FCHSD2: variants seen among roughly 807,000 people sequenced by gnomAD.
The protein encoded by FCHSD2 is FCH and double SH3 domains 2.
In FCHSD2, 38 loss-of-function variants were observed where a neutral mutation model predicts 108.1. The observed-to-expected ratio is 0.35, with a 90% CI of 0.27 to 0.46. The LOEUF (loss-of-function observed/expected upper bound fraction) is 0.46, where lower values mean the gene tolerates loss of function less well. Ranked by LOEUF, FCHSD2 falls within the 20% of genes least tolerant of loss-of-function variation. The pLI is 1.00. For missense variants in FCHSD2, 751 were observed against 897.8 expected (o/e 0.84, Z 2.09); for synonymous variants, 279 against 314.7 (o/e 0.89, Z 1.20).
chr11:72,843,120 C>A, intron 16 of FCHSD2, 31 bp downstream of exon 16: 2 of 1,609,280 alleles, frequency 1.2e-6, no homozygotes, highest in South Asian at 2.2e-5. Context: ...CAAACGTGAC[C>A]AAATAAAGAG....
At chr11:73,108,621 T>G (rs1270054716) in intron 2 of FCHSD2, among the ~76,000 whole-genome samples, 1 of 152,216 alleles carries the variant, frequency 6.6e-6, no homozygotes, top group Non-Finnish European at 1.5e-5. Context: ...GACTGCGGAC[T>G]GCAGTGGCGC....
rs1856506963 is a variant in FCHSD2 at position 72,945,784 on chromosome 11, T to C, written c.706-23834A>G. ...AGAAGACATTTATGCAGCCAAACGA[T>C]ACATGAAAAAATGCTCATCATCAAT... is the stretch of plus-strand genomic sequence containing the variant. On this transcript the variant is annotated intron_variant, in intron 8 of 19. Transcript: ENST00000409418. Among the ~76,000 whole-genome samples, 4 of 152,242 alleles carry C rather than the reference T, an allele frequency of 2.6e-5. No homozygotes were observed. In the South Asian group the frequency reaches 8.3e-4, roughly 32 times the overall value.
chr11:73,064,078 A>C (rs747347756), intron 3 of FCHSD2, among the ~76,000 whole-genome samples: 2 of 151,690 alleles, frequency 1.3e-5, no homozygotes, highest in Non-Finnish European at 3.0e-5. Flanking sequence ...AATGGAAATC[A>C]TAACAGTCTC....
chr11:72,938,176 G>GTT (rs67901943), intron 8 of FCHSD2, among the ~76,000 whole-genome samples: 4 of 112,558 alleles, frequency 3.6e-5, no homozygotes, highest in African/African-American at 7.7e-5. Context: ...TTATGAAGGA[G>GTT]TTTTTTTTTT....
intron 9 of FCHSD2, among the ~76,000 whole-genome samples, chr11:72,907,323 A>C (rs929563018): frequency 1.3e-4 from 20 of 152,098 alleles, no homozygotes; most frequent in Admixed American, 8.5e-4. Context: ...AATACCCTTT[A>C]TTTCTTTCTC....
intron 3 of FCHSD2, among the ~76,000 whole-genome samples, chr11:73,033,576 C>G (rs1858417302): frequency 6.6e-6 from 1 of 152,090 alleles, no homozygotes; most frequent in South Asian, 2.1e-4. Context: ...CAAGAATATT[C>G]CTCTAACATT....
At chr11:72,861,717 G>A (rs1861580522) in intron 13 of FCHSD2, among the ~76,000 whole-genome samples, 1 of 152,084 alleles carries the variant, frequency 6.6e-6, no homozygotes, top group Non-Finnish European at 1.5e-5. Context: ...AGCAACTGAG[G>A]TCGGGAGTTC....
rs1857283688 is a variant in FCHSD2 at position 72,984,965 on chromosome 11, A to G, written c.576+97T>C. On this transcript the variant is annotated intron_variant, in intron 7 of 19. Coordinates refer to ENST00000409418, the MANE Select transcript of FCHSD2 (RefSeq NM_014824.3). ...TCAGTGACTTTAAAATGCTTCTCTA[A>G]GGTAGAAATAATCCACCTCCACCCT... 11 of 586,782 alleles carry G rather than the reference A, an allele frequency of 1.9e-5. No homozygotes were observed. In the South Asian group the frequency reaches 2.0e-4, roughly 11 times the overall value. The allele number at this position is 586,782 out of a possible 1,614,324, so 36.3% of individuals were successfully genotyped here.
rs1411415909 is a variant in FCHSD2 at position 72,985,119 on chromosome 11, A to ATAATAAAAATAGAAAAGTATGTT, written c.522-26_522-4dup. ...ATTGAAAAAGACTAAGTTTAGATCT[A>ATAATAAAAATAGAAAAGTATGTT]TAATAAAAATAGAAAAGTATGTTTA... On this transcript the variant is annotated splice_polypyrimidine_tract_variant and splice_region_variant and intron_variant, in intron 6 of 19. Coordinates refer to ENST00000409418, the MANE Select transcript of FCHSD2 (RefSeq NM_014824.3). 2 of 962,676 alleles carry ATAATAAAAATAGAAAAGTATGTT rather than the reference A, an allele frequency of 2.1e-6. No homozygotes were observed. Among genetic ancestry groups the ATAATAAAAATAGAAAAGTATGTT allele is most frequent in the Admixed American group, 4.7e-5 (2 of 42,332 alleles). 59.6% of individuals were successfully genotyped at this position (962,676 alleles called of 1,614,324 possible).
At chr11:73,061,296 T>C (rs1859157695) in intron 3 of FCHSD2, among the ~76,000 whole-genome samples, 1 of 152,108 alleles carries the variant, frequency 6.6e-6, no homozygotes, top group African/African-American at 2.4e-5. Context: ...TGTCGCATGG[T>C]TTTCGCAAAC....
chr11:73,033,177 A>C (rs1389849733), intron 3 of FCHSD2, among the ~76,000 whole-genome samples: 1 of 151,598 alleles, frequency 6.6e-6, no homozygotes, highest in African/African-American at 2.4e-5. Flanking sequence ...AGTTCCAGCT[A>C]CTCGGGAGGC....
At chr11:72,924,205 A>G (rs1856030354) in intron 8 of FCHSD2, among the ~76,000 whole-genome samples, 1 of 152,166 alleles carries the variant, frequency 6.6e-6, no homozygotes, top group Admixed American at 6.5e-5. Flanking sequence ...CCTCCTAAAT[A>G]GCTGGGACCA....
intron 12 of FCHSD2, among the ~76,000 whole-genome samples, chr11:72,883,869 C>T (rs1054859233): frequency 6.7e-6 from 1 of 149,006 alleles, no homozygotes; most frequent in Non-Finnish European, 1.5e-5. Flanking sequence ...GAGGTTCGGG[C>T]GGCAGTGAGT....
chr11:73,083,557 G>GAAAA, intron 3 of FCHSD2, 138 bp downstream of exon 3: 6 of 499,170 alleles, frequency 1.2e-5, no homozygotes, highest in Admixed American at 3.7e-5. Context: ...CAGAAAAAAA[G>GAAAA]AAAAAAAAAA....
intron 12 of FCHSD2, among the ~76,000 whole-genome samples, chr11:72,871,119 G>A (rs1016039296): frequency 6.6e-6 from 1 of 152,120 alleles, no homozygotes; most frequent in African/African-American, 2.4e-5. Flanking sequence ...CCATAAACAA[G>A]TAACCACAGA....
chr11:72,967,795 G>T (rs550496289), intron 8 of FCHSD2, among the ~76,000 whole-genome samples: 7 of 152,042 alleles, frequency 4.6e-5, no homozygotes, highest in Admixed American at 1.3e-4. Context: ...TTTTTAAAAA[G>T]AAGTGGGCAG....
chr11:72,910,917 G>A (rs1331893766), intron 9 of FCHSD2, among the ~76,000 whole-genome samples: 2 of 148,974 alleles, frequency 1.3e-5, no homozygotes, highest in Non-Finnish European at 3.0e-5. Context: ...TGGATATTTT[G>A]CAAATATTGT....
intron 8 of FCHSD2, among the ~76,000 whole-genome samples, chr11:72,971,365 CCCTTT>C (rs891191994): frequency 4.6e-5 from 7 of 151,916 alleles, no homozygotes; most frequent in Admixed American, 3.3e-4. Flanking sequence ...TTGTATAATC[CCCTTT>C]CCTTTGAGTG....
intron 3 of FCHSD2, among the ~76,000 whole-genome samples, chr11:73,073,654 ACAGAGGAT>A (rs1489854903): frequency 3.9e-5 from 6 of 152,234 alleles, no homozygotes; most frequent in African/African-American, 1.4e-4. Context: ...AATCCTTTGC[ACAGAGGAT>A]AACAATATAC....
Sources: allele counts gnomAD v4.1 joint callset (sites outside exome capture counted in the v4.1 genomes callset), GRCh38; gene constraint gnomAD v4.1.1; transcripts MANE v1.5; gene names NCBI Gene and HGNC (gene_info 2026-07-23, HGNC 2026-07-21).